Variants in KIF2A observed in about 807,000 individuals in gnomAD.
KIF2A encodes the protein kinesin family member 2A.
A neutral mutation model predicts 100.2 loss-of-function variants in KIF2A; 22 were observed. The observed-to-expected ratio is 0.22, with a 90% CI of 0.16 to 0.31. The LOEUF is 0.31. Among genes scored for constraint, KIF2A ranks in the 10% least tolerant of loss-of-function variants. The probability of loss-of-function intolerance (pLI) is 1.00; values close to 1 mark genes in which losing one functional copy is unlikely to be tolerated. For synonymous variants in KIF2A, 268 were observed against 285.9 expected (o/e 0.94, Z 0.63); for missense variants, 495 against 898.7 (o/e 0.55, Z 5.74).
rs1283063803 is a variant in KIF2A, at chr5:62,390,660, GACTGTTCTTTACT to G, written c.*5101_*5113del. Among the ~76,000 whole-genome samples the G allele has an allele frequency of 6.6e-6, 1 of 152,088 alleles. No homozygotes were observed. The highest frequency in any genetic ancestry group is 2.4e-5 in the African/African-American group (1 of 41,416). On this transcript the variant is annotated 3_prime_UTR_variant, in exon 21 of 21. Coordinates refer to ENST00000407818, the MANE Select transcript of KIF2A (RefSeq NM_001098511.3). Reference sequence around the variant, plus strand: ...AACACAAAGGCAATCTTCTGGCTCGGACTGTTCTTTACTACTGTTCTTAAAGAAAATGTTCATT... The same window carrying G: ...AACACAAAGGCAATCTTCTGGCTCGGACTGTTCTTAAAGAAAATGTTCATT...
At position 62,366,486 on chromosome 5, in the gene KIF2A, G is replaced by C; in HGVS notation, c.1646+5G>C. On this transcript the variant is annotated splice_donor_5th_base_variant and intron_variant, in intron 16 of 20. Transcript: ENST00000407818. Reference sequence around the variant, plus strand: ...TACATTAAGATATGCAAATAGGTATGAGAGATAGTTCTCCATTTTGAAATT... The same window carrying C: ...TACATTAAGATATGCAAATAGGTATCAGAGATAGTTCTCCATTTTGAAATT... 1 of 1,511,120 alleles carries C rather than the reference G, an allele frequency of 6.6e-7. No homozygotes were observed. Among genetic ancestry groups the C allele is most frequent in the Non-Finnish European group, 9.1e-7 (1 of 1,098,884 alleles). The allele number at this position is 1,511,120 out of a possible 1,614,324, so 93.6% of individuals were successfully genotyped here.
At chr5:62,312,452 A>G (rs1745600924) in intron 1 of KIF2A, among the ~76,000 whole-genome samples, 1 of 152,262 alleles carries the variant, frequency 6.6e-6, no homozygotes, top group Non-Finnish European at 1.5e-5. Context: ...AATCTTTTGC[A>G]AAGTTTAATT....
rs111864686 is a variant in KIF2A at position 62,363,262 on chromosome 5, C to T, written c.1204C>T (p.Arg402Trp). The T allele has an allele frequency of 1.9e-6, 3 of 1,613,254 alleles. No homozygotes were observed. Among genetic ancestry groups the T allele is most frequent in the African/African-American group, 1.3e-5 (1 of 74,898 alleles). Residue 402 changes from arginine (R) to tryptophan (W), a missense_variant, in exon 13 of 21, where the codon CGG (arginine) becomes TGG (tryptophan). Arg to Trp is a moderately radical substitution (Grantham distance 101, BLOSUM62 -3). This residue lies in a region of KIF2A where 38 missense variants were observed against 99.5 expected (regional missense o/e 0.38). Transcript: ENST00000407818. ...GGTTCAAGTGGTGGGATTACAGGAACGGGAGGTCAAATGTGTTGAAGATGT... is the reference window on the plus strand; with the variant it reads ...GGTTCAAGTGGTGGGATTACAGGAATGGGAGGTCAAATGTGTTGAAGATGT... ...QQVQVVGLQEREVKCVEDVLK... is the reference protein window; with the variant it reads ...QQVQVVGLQEWEVKCVEDVLK...
At chr5:62,338,476 G>T (rs1272292389) in intron 1 of KIF2A, among the ~76,000 whole-genome samples, 1 of 152,072 alleles carries the variant, frequency 6.6e-6, no homozygotes, top group African/African-American at 2.4e-5. Flanking sequence ...TTTTAGTAGA[G>T]TTAGAGTTCC....
At chr5:62,340,240 G>A (rs1194552348) in intron 1 of KIF2A, among the ~76,000 whole-genome samples, 2 of 152,056 alleles carry the variant, frequency 1.3e-5, no homozygotes, top group East Asian at 3.9e-4. Context: ...CCTGGCAGTT[G>A]TTATCTTTGG....
In KIF2A at chr5:62,316,530, A is replaced by C. The variant is rs538999588; in HGVS notation, c.64+9994A>C. On this transcript the variant is annotated intron_variant, in intron 1 of 20. Coordinates refer to ENST00000407818, the MANE Select transcript of KIF2A (RefSeq NM_001098511.3). ...AAAAAGAGGTAAGCAAGGGATAAAT[A>C]GGCACAGCACAGAGGCAGTGAAATT... 2.6e-4 allele frequency among the ~76,000 whole-genome samples: 40 copies of C among 152,350 alleles called. 1 individual carries two copies. In the South Asian group the frequency reaches 7.0e-3, roughly 27 times the overall value.
intron 1 of KIF2A, among the ~76,000 whole-genome samples, chr5:62,310,849 C>T (rs533458721): frequency 1.1e-4 from 16 of 152,050 alleles, no homozygotes; most frequent in African/African-American, 3.4e-4. Flanking sequence ...ATCTTTCTGT[C>T]GTGTAGCTAG....
intron 16 of KIF2A, 72 bp downstream of exon 16, chr5:62,366,553 C>T (rs1741078477): frequency 3.2e-6 from 3 of 937,736 alleles, no homozygotes; most frequent in Admixed American, 2.2e-5. Flanking sequence ...TAATATCTGC[C>T]TCGTGCGGTG....
intron 16 of KIF2A, among the ~76,000 whole-genome samples, chr5:62,370,046 G>A (rs115914493): frequency 0.044 from 6,637 of 152,228 alleles, 455 homozygotes; most frequent in African/African-American, 0.15. Context: ...TGTGTAAAAT[G>A]TTTAGCACAG....
intron 1 of KIF2A, among the ~76,000 whole-genome samples, chr5:62,343,852 G>A (rs1018755647): frequency 3.9e-5 from 6 of 152,164 alleles, no homozygotes; most frequent in Admixed American, 6.5e-5. Flanking sequence ...TGGTACACAT[G>A]AGGGTTGAGA....
chr5:62,322,278 G>A (rs763266583), intron 1 of KIF2A, among the ~76,000 whole-genome samples: 13 of 152,166 alleles, frequency 8.5e-5, no homozygotes, highest in Middle Eastern at 3.2e-3. Context: ...GGATACTACT[G>A]CCATATCTGA....
chr5:62,334,350 C>A (rs1469956805), intron 1 of KIF2A, among the ~76,000 whole-genome samples: 2 of 152,044 alleles, frequency 1.3e-5, no homozygotes, highest in Admixed American at 6.5e-5. Flanking sequence ...CCTCCCTAAG[C>A]AATCCCGATC....
At chr5:62,367,838 TTC>T (rs1271295084) in intron 16 of KIF2A, among the ~76,000 whole-genome samples, 1 of 152,204 alleles carries the variant, frequency 6.6e-6, no homozygotes, top group African/African-American at 2.4e-5. Flanking sequence ...AGTGTTAAAT[TTC>T]TCTTCTCAAA....
At chr5:62,384,720 A>G (rs909646411) in intron 20 of KIF2A, among the ~76,000 whole-genome samples, 3 of 152,250 alleles carry the variant, frequency 2.0e-5, no homozygotes, top group Non-Finnish European at 4.4e-5. Context: ...CATGACCAGA[A>G]AATGCGTAAA....
chr5:62,355,612 T>C (rs1189937834), intron 7 of KIF2A, among the ~76,000 whole-genome samples: 1 of 152,202 alleles, frequency 6.6e-6, no homozygotes, highest in African/African-American at 2.4e-5. Flanking sequence ...GGGCTGTAGA[T>C]CCCACCATCA....
At chr5:62,337,813 T>TAA (rs59410551) in intron 1 of KIF2A, among the ~76,000 whole-genome samples, 109 of 136,458 alleles carry the variant, frequency 8.0e-4, no homozygotes, top group African/African-American at 2.6e-3. Flanking sequence ...CCCGAACTCT[T>TAA]AAAAAAAAAA....
At position 62,385,732 on chromosome 5, in the gene KIF2A, A is replaced by G; in HGVS notation, c.*163A>G. The G allele has an allele frequency of 1.7e-6, 1 of 598,040 alleles. No individual in the cohort carries two copies. The highest frequency in any genetic ancestry group is 3.0e-6 in the Non-Finnish European group (1 of 330,286). The allele number at this position is 598,040 out of a possible 1,614,324, so 37.0% of individuals were successfully genotyped here. ...AATTTTGTGAAACACTCTTTTGTCTACAAAATGCTTCTAGTCCAGGAGGCA... is the reference window on the plus strand; with the variant it reads ...AATTTTGTGAAACACTCTTTTGTCTGCAAAATGCTTCTAGTCCAGGAGGCA... On this transcript the variant is annotated 3_prime_UTR_variant, in exon 21 of 21. Transcript: ENST00000407818.
intron 7 of KIF2A, among the ~76,000 whole-genome samples, chr5:62,355,545 T>G (rs1447521333): frequency 1.3e-5 from 2 of 152,214 alleles, no homozygotes; most frequent in Non-Finnish European, 2.9e-5. Context: ...GAAGACTCAC[T>G]TTCCTTTCTG....
rs759006169 is a variant in KIF2A at position 62,362,403 on chromosome 5, A to G, written c.1028-47A>G. Reference sequence around the variant, plus strand: ...AATAGAAAATTTGAGTTGCTTTTTAAAAATATTTGTTGGATCTCAATTTTC... The same window carrying G: ...AATAGAAAATTTGAGTTGCTTTTTAGAAATATTTGTTGGATCTCAATTTTC... On this transcript the variant is annotated intron_variant, in intron 11 of 20. Coordinates refer to ENST00000407818, the MANE Select transcript of KIF2A (RefSeq NM_001098511.3). 1.6e-5 allele frequency: 15 copies of G among 937,114 alleles called. 1 individual carries two copies. The South Asian group carries it at 3.4e-4, about 21-fold the overall frequency. The allele number at this position is 937,114 out of a possible 1,614,324, so 58.0% of individuals were successfully genotyped here.
Sources: gnomAD v4.1 joint callset for allele counts (sites outside exome capture counted in the v4.1 genomes callset) on GRCh38, gnomAD v4.1.1 for gene constraint, gnomAD v4.1.1 regional missense constraint, MANE v1.5 for transcripts, NCBI Gene and HGNC (gene_info 2026-07-23, HGNC 2026-07-21) for gene names.